VPS54: variants seen among roughly 807,000 people sequenced by gnomAD.
VPS54 encodes VPS54 subunit of GARP complex.
A neutral mutation model predicts 121.5 loss-of-function variants in VPS54; 45 were observed. The ratio of observed to expected loss-of-function variants is 0.37; its 90% CI spans 0.29 to 0.47. The LOEUF (loss-of-function observed/expected upper bound fraction) is 0.47. Among genes scored for constraint, VPS54 ranks in the 20% least tolerant of loss-of-function variants. The pLI is 0.99. For missense variants in VPS54, 1,090 were observed against 1,131.4 expected (o/e 0.96, Z 0.52); for synonymous variants, 371 against 385.8 (o/e 0.96, Z 0.45).
chr2:63,941,614 G>A (rs1674735053), intron 11 of VPS54, among the ~76,000 whole-genome samples: 1 of 152,130 alleles, frequency 6.6e-6, no homozygotes, highest in South Asian at 2.1e-4. Context: ...AATGATACGT[G>A]ACCTGTTCTT....
chr2:63,904,268 A>T (rs1672810251), intron 20 of VPS54, among the ~76,000 whole-genome samples: 1 of 151,714 alleles, frequency 6.6e-6, no homozygotes, highest in Non-Finnish European at 1.5e-5. Context: ...GTGAAACCGC[A>T]CATCTACTAA....
chr2:63,988,683 A>C (rs1677169297), intron 1 of VPS54, among the ~76,000 whole-genome samples: 1 of 152,176 alleles, frequency 6.6e-6, no homozygotes, highest in African/African-American at 2.4e-5. Flanking sequence ...TAATCTCTTA[A>C]TCCCATCATC....
At chr2:64,013,770 T>A (rs2104711327) in intron 1 of VPS54, among the ~76,000 whole-genome samples, 1 of 150,564 alleles carries the variant, frequency 6.6e-6, no homozygotes, top group Admixed American at 6.6e-5. Flanking sequence ...CATTACTTAT[T>A]CTGAATATTG....
chr2:64,014,825 A>G (rs559251641), intron 1 of VPS54, among the ~76,000 whole-genome samples: 12 of 152,326 alleles, frequency 7.9e-5, no homozygotes, highest in African/African-American at 2.6e-4. Context: ...GAGGCTCAGA[A>G]AGAATAACTT....
chr2:64,004,843 A>G (rs1208366534), intron 1 of VPS54, among the ~76,000 whole-genome samples: 1 of 152,110 alleles, frequency 6.6e-6, no homozygotes, highest in East Asian at 1.9e-4. Flanking sequence ...CAGTGACATA[A>G]TCACAGCTCA....
At chr2:63,980,390 A>G (rs1410936250) in intron 3 of VPS54, among the ~76,000 whole-genome samples, 1 of 151,984 alleles carries the variant, frequency 6.6e-6, no homozygotes, top group African/African-American at 2.4e-5. Flanking sequence ...AGATCTCACA[A>G]TCTCTGCCTT....
chr2:64,008,413 CAAAA>C (rs35629837), intron 1 of VPS54, among the ~76,000 whole-genome samples: 2 of 135,686 alleles, frequency 1.5e-5, no homozygotes, highest in Non-Finnish European at 1.6e-5. Context: ...GACTCCGTCT[CAAAA>C]AAAAAAAAAA....
chr2:63,946,084 T>C (rs1420575491), intron 9 of VPS54, among the ~76,000 whole-genome samples: 2 of 152,164 alleles, frequency 1.3e-5, no homozygotes, highest in Non-Finnish European at 2.9e-5. Context: ...TATCTTGATT[T>C]TTAAACCATA....
intron 14 of VPS54, 88 bp downstream of exon 14, chr2:63,920,358 G>T: frequency 1.6e-6 from 2 of 1,237,420 alleles, no homozygotes; most frequent in South Asian, 2.8e-5. Context: ...ATTTTCACTG[G>T]CCAATTAGGT....
chr2:64,009,154 T>C (rs1678310349), intron 1 of VPS54, among the ~76,000 whole-genome samples: 1 of 152,228 alleles, frequency 6.6e-6, no homozygotes. Flanking sequence ...TTTCCTCTTC[T>C]GTCTTTGTCT....
chr2:63,969,543 T>C (rs1277854337), intron 4 of VPS54, among the ~76,000 whole-genome samples: 1 of 151,552 alleles, frequency 6.6e-6, no homozygotes, highest in African/African-American at 2.4e-5. Context: ...GTCTCCCATC[T>C]CCCCCAGATG....
At chr2:63,976,349 TCAAAAAAAAAAAAAA>T (rs1265952237) in intron 3 of VPS54, among the ~76,000 whole-genome samples, 1 of 120,134 alleles carries the variant, frequency 8.3e-6, no homozygotes, top group Non-Finnish European at 1.7e-5. Context: ...TGACCTTGTC[TCAAAAAAAAAAAAAA>T]CAAAAAACAA....
At chr2:63,917,478 C>A (rs191629305) in intron 15 of VPS54, among the ~76,000 whole-genome samples, 2 of 152,084 alleles carry the variant, frequency 1.3e-5, no homozygotes, top group African/African-American at 2.4e-5. Context: ...TCAACCCAGA[C>A]GTTACTTTAT....
At chr2:63,898,623 C>T (rs1672543120) in intron 21 of VPS54, among the ~76,000 whole-genome samples, 1 of 152,086 alleles carries the variant, frequency 6.6e-6, no homozygotes, top group South Asian at 2.1e-4. Context: ...TCCACGCACT[C>T]AACCAAGTAA....
At chr2:63,895,410 C>T (rs189827923) in intron 22 of VPS54, among the ~76,000 whole-genome samples, 172 of 152,230 alleles carry the variant, frequency 1.1e-3, no homozygotes, top group Non-Finnish European at 1.6e-3. Context: ...GCTGAGATCA[C>T]GCCACTGCGC....
At chr2:64,000,774 G>A (rs750922096) in intron 1 of VPS54, among the ~76,000 whole-genome samples, 1 of 152,124 alleles carries the variant, frequency 6.6e-6, no homozygotes, top group African/African-American at 2.4e-5. Context: ...GCTTGCAGCA[G>A]GGCAACACAA....
At chr2:63,917,379 T>C (rs1673433101) in intron 15 of VPS54, among the ~76,000 whole-genome samples, 1 of 152,110 alleles carries the variant, frequency 6.6e-6, no homozygotes, top group African/African-American at 2.4e-5. Context: ...GAACTAGCAT[T>C]TAAATTGGTT....
chr2:63,899,612 C>A, intron 20 of VPS54, 31 bp from the exon 21 acceptor site: 2 of 1,564,922 alleles, frequency 1.3e-6, no homozygotes, highest in South Asian at 2.2e-5. Flanking sequence ...GAATTATGTT[C>A]ATGTCCTCTG....
intron 1 of VPS54, among the ~76,000 whole-genome samples, chr2:64,001,249 G>C (rs1038288677): frequency 1.3e-5 from 2 of 152,146 alleles, no homozygotes; most frequent in Non-Finnish European, 2.9e-5. Context: ...AGGCTGCCAG[G>C]CCTGGGACTC....
Sources: allele counts gnomAD v4.1 joint callset (sites outside exome capture counted in the v4.1 genomes callset), GRCh38; gene constraint gnomAD v4.1.1; transcripts MANE v1.5; gene names NCBI Gene and HGNC (gene_info 2026-07-23, HGNC 2026-07-21).